Variants in LRP1B observed in about 807,000 individuals in gnomAD.
The protein encoded by LRP1B is LDL receptor related protein 1B.
Under a neutral mutation model 556.6 loss-of-function variants are expected in LRP1B, and 217 were observed. That is an observed-to-expected ratio of 0.39 (90% confidence interval 0.35 to 0.44). The LOEUF is 0.44. LRP1B is among the 20% of genes least tolerant of loss of function. LRP1B has a pLI of 1.00. For missense variants in LRP1B, 5,053 were observed against 5,620.8 expected (o/e 0.90, Z 3.23); for synonymous variants, 2,047 against 1,865.8 (o/e 1.10, Z -2.50).
rs2105193133 is a variant in LRP1B at position 141,188,459 on chromosome 2, A to G, written c.975T>C (p.Leu325=). 6.2e-7 allele frequency: 1 copy of G among 1,612,598 alleles called. No homozygotes were observed. Among genetic ancestry groups the G allele is most frequent in the Non-Finnish European group, 8.5e-7 (1 of 1,179,138 alleles). ...CTACTGCTATTGCTTTAGGATTGTG[A>G]AGCTCCAGATCAATCAGGGTGACAC... ...SVCVTLIDLE[L]HNPKAIAVDP... Residue 325 remains leucine (L), a synonymous_variant, in exon 7 of 91, where the codon CTT becomes CTC. Coordinates refer to ENST00000389484, the MANE Select transcript of LRP1B (RefSeq NM_018557.3).
At chr2:141,201,238 A>G (rs1398735188) in intron 6 of LRP1B, among the ~76,000 whole-genome samples, 1 of 152,196 alleles carries the variant, frequency 6.6e-6, no homozygotes, top group East Asian at 1.9e-4. Context: ...AATGGCTAAG[A>G]AAGCAAAGAT....
At chr2:141,441,220 GTGCCTGCCACCA>G (rs1275196452) in intron 3 of LRP1B, among the ~76,000 whole-genome samples, 1 of 152,076 alleles carries the variant, frequency 6.6e-6, no homozygotes, top group Non-Finnish European at 1.5e-5. Context: ...GGGATTACAG[GTGCCTGCCACCA>G]TGCCTGGCTA....
chr2:142,097,986 G>A (rs530162991), intron 1 of LRP1B, among the ~76,000 whole-genome samples: 1 of 151,676 alleles, frequency 6.6e-6, no homozygotes, highest in Admixed American at 6.6e-5. Context: ...AAGCATCAAA[G>A]TCTAATATTC....
chr2:140,234,423 A>G (rs1431119584), intron 90 of LRP1B, among the ~76,000 whole-genome samples: 1 of 151,250 alleles, frequency 6.6e-6, no homozygotes, highest in Non-Finnish European at 1.5e-5. Flanking sequence ...TCAAATTTGT[A>G]TATATTAAAT....
intron 41 of LRP1B, among the ~76,000 whole-genome samples, chr2:140,652,204 G>GA (rs996005693): frequency 6.7e-5 from 9 of 134,194 alleles, no homozygotes; most frequent in African/African-American, 1.1e-4. Context: ...TTGATACAGT[G>GA]AAAAAAAACA....
At chr2:140,854,708 T>G (rs2105128262) in intron 27 of LRP1B, among the ~76,000 whole-genome samples, 1 of 152,336 alleles carries the variant, frequency 6.6e-6, no homozygotes, top group South Asian at 2.1e-4. Flanking sequence ...TTGGTTTACA[T>G]ATTAGCCATG....
At chr2:141,652,625 C>T (rs1206950126) in intron 2 of LRP1B, among the ~76,000 whole-genome samples, 2 of 152,134 alleles carry the variant, frequency 1.3e-5, no homozygotes, top group East Asian at 3.8e-4. Context: ...CATTCTGATT[C>T]ATTCACAGGA....
At chr2:141,138,846 A>G (rs2105048569) in intron 7 of LRP1B, among the ~76,000 whole-genome samples, 1 of 151,998 alleles carries the variant, frequency 6.6e-6, no homozygotes, top group East Asian at 1.9e-4. Context: ...CACTTTCTGT[A>G]AATATTGGGA....
intron 35 of LRP1B, among the ~76,000 whole-genome samples, chr2:140,765,721 T>C (rs768639190): frequency 7.2e-5 from 11 of 152,140 alleles, no homozygotes; most frequent in Non-Finnish European, 1.0e-4. Flanking sequence ...TTTATTACAA[T>C]CAAACCCAGA....
chr2:141,341,621 A>G (rs536400398), intron 3 of LRP1B, among the ~76,000 whole-genome samples: 41 of 152,294 alleles, frequency 2.7e-4, no homozygotes, highest in African/African-American at 9.9e-4. Flanking sequence ...TAGCAGCACT[A>G]CAGTTTTTAG....
chr2:141,295,641 ACTTTAT>A (rs1011638393), intron 3 of LRP1B, among the ~76,000 whole-genome samples: 1 of 151,986 alleles, frequency 6.6e-6, no homozygotes, highest in African/African-American at 2.4e-5. Context: ...ATTAGCTTTT[ACTTTAT>A]CTTTATAGGA....
intron 35 of LRP1B, among the ~76,000 whole-genome samples, chr2:140,723,895 C>T (rs1368347519): frequency 1.3e-5 from 2 of 152,190 alleles, no homozygotes; most frequent in African/African-American, 2.4e-5. Context: ...CCTTTAAAAA[C>T]AAAACAAGAA....
At chr2:141,256,361 C>T (rs1271760299) in intron 3 of LRP1B, among the ~76,000 whole-genome samples, 5 of 151,496 alleles carry the variant, frequency 3.3e-5, no homozygotes, top group Admixed American at 1.3e-4. Flanking sequence ...ACCTATAATG[C>T]TTGATGTAGT....
chr2:141,459,646 G>C (rs762678439), intron 3 of LRP1B, among the ~76,000 whole-genome samples: 67 of 152,146 alleles, frequency 4.4e-4, no homozygotes, highest in Non-Finnish European at 8.7e-4. Flanking sequence ...TCTGGTGACA[G>C]TGACTAAGTC....
chr2:140,919,393 A>G (rs1694673055), intron 21 of LRP1B, among the ~76,000 whole-genome samples: 1 of 152,088 alleles, frequency 6.6e-6, no homozygotes, highest in African/African-American at 2.4e-5. Flanking sequence ...GCTCAATTGC[A>G]GTGCCTGTGT....
At chr2:142,007,208 C>T (rs1306480116) in intron 1 of LRP1B, among the ~76,000 whole-genome samples, 1 of 151,964 alleles carries the variant, frequency 6.6e-6, no homozygotes, top group African/African-American at 2.4e-5. Flanking sequence ...ATTTTCTTTC[C>T]TTTGGGTTTT....
At chr2:140,941,477 C>A (rs1047075618) in intron 20 of LRP1B, among the ~76,000 whole-genome samples, 3 of 152,120 alleles carry the variant, frequency 2.0e-5, no homozygotes, top group Admixed American at 2.0e-4. Flanking sequence ...CAAACCAGAC[C>A]TAAGCAAGGG....
chr2:140,796,795 T>C (rs1690331578), intron 32 of LRP1B, among the ~76,000 whole-genome samples: 3 of 152,098 alleles, frequency 2.0e-5, no homozygotes, highest in African/African-American at 7.2e-5. Context: ...TAACCTGGAT[T>C]GTATATATCA....
intron 2 of LRP1B, among the ~76,000 whole-genome samples, chr2:141,486,977 A>G (rs892898300): frequency 3.9e-5 from 6 of 152,144 alleles, no homozygotes; most frequent in African/African-American, 1.4e-4. Context: ...AAGACTGATC[A>G]GAATACCTCT....
Sources: gnomAD v4.1 joint callset for allele counts (sites outside exome capture counted in the v4.1 genomes callset) on GRCh38, gnomAD v4.1.1 for gene constraint, MANE v1.5 for transcripts, NCBI Gene and HGNC (gene_info 2026-07-23, HGNC 2026-07-21) for gene names.